The following SUGCT variants were observed in gnomAD, a reference collection of about 807,000 sequenced individuals.
SUGCT encodes the protein succinyl-CoA:glutarate-CoA transferase.
A neutral mutation model predicts 55.0 loss-of-function variants in SUGCT; 41 were observed. The ratio of observed to expected loss-of-function variants is 0.74; its 90% CI spans 0.58 to 0.97. The LOEUF (loss-of-function observed/expected upper bound fraction) is 0.97. SUGCT is among the 50% of genes least tolerant of loss of function. The pLI is 0.00. For synonymous variants in SUGCT, 187 were observed against 200.4 expected (o/e 0.93, Z 0.56); for missense variants, 568 against 547.8 (o/e 1.04, Z -0.37).
chr7:40,468,896 G>C (rs570085267), intron 11 of SUGCT, among the ~76,000 whole-genome samples: 2 of 152,238 alleles, frequency 1.3e-5, no homozygotes, highest in South Asian at 4.1e-4. Flanking sequence ...GGCTGCCTAA[G>C]GTAAGTGAAG....
At chr7:40,612,023 T>TA (rs1554384826) in intron 12 of SUGCT, among the ~76,000 whole-genome samples, 2 of 151,924 alleles carry the variant, frequency 1.3e-5, no homozygotes, top group Non-Finnish European at 2.9e-5. Context: ...TTTTTTTTTT[T>TA]ACAACAGATC....
the SUGCT span, among the ~76,000 whole-genome samples, chr7:40,995,382 G>GTTATTATAA: frequency 6.9e-6 from 1 of 145,582 alleles, no homozygotes; most frequent in Admixed American, 6.9e-5. Flanking sequence ...TATAATAGCT[G>GTTATTATAA]TTATTATTAT....
intron 12 of SUGCT, among the ~76,000 whole-genome samples, chr7:40,542,153 T>C (rs1278979513): frequency 6.6e-6 from 1 of 152,250 alleles, no homozygotes; most frequent in Non-Finnish European, 1.5e-5. Context: ...TTTAGCACTA[T>C]GTGTCAGGCA....
chr7:40,363,548 T>A (rs1439593071), intron 9 of SUGCT, among the ~76,000 whole-genome samples: 2 of 152,214 alleles, frequency 1.3e-5, no homozygotes, highest in African/African-American at 4.8e-5. Flanking sequence ...ACATCTTTAT[T>A]TCTGCCTTCA....
the SUGCT span, among the ~76,000 whole-genome samples, chr7:40,908,228 A>G: frequency 2.0e-5 from 3 of 151,792 alleles, no homozygotes; most frequent in African/African-American, 7.3e-5. Flanking sequence ...AAAAAAATAC[A>G]AAAAATTAGC....
At chr7:40,610,592 A>G (rs908269202) in intron 12 of SUGCT, among the ~76,000 whole-genome samples, 6 of 152,214 alleles carry the variant, frequency 3.9e-5, no homozygotes, top group Admixed American at 3.9e-4. Flanking sequence ...TGATTCAGAC[A>G]TTCGACTTGT....
chr7:40,695,831 A>G (rs948471918), intron 12 of SUGCT, among the ~76,000 whole-genome samples: 2 of 152,102 alleles, frequency 1.3e-5, no homozygotes, highest in African/African-American at 4.8e-5. Flanking sequence ...CCTTCACTCT[A>G]GTTTGTGACA....
chr7:40,787,660 C>CAAAAAAAAAAA lies in SUGCT; in HGVS notation c.1153+38177_1153+38187dup, dbSNP rs55764379. 3.5e-4 allele frequency among the ~76,000 whole-genome samples: 17 copies of CAAAAAAAAAAA among 48,426 alleles called. 1 individual carries two copies. Among genetic ancestry groups the CAAAAAAAAAAA allele is most frequent in the African/African-American group, 8.9e-4 (15 of 16,852 alleles). 31.8% of individuals were successfully genotyped at this position (48,426 alleles called of 152,430 possible). ...AAACTGGTAACCAAGAAATTTTGAC[C>CAAAAAAAAAAA]AAAAAAAAAAAAAAAAAAAAAAAAG... On this transcript the variant is annotated intron_variant, in intron 13 of 13. Coordinates refer to ENST00000335693, the MANE Select transcript of SUGCT (RefSeq NM_001193313.2).
chr7:41,008,059 G>T, the SUGCT span, among the ~76,000 whole-genome samples: 3 of 152,158 alleles, frequency 2.0e-5, no homozygotes, highest in South Asian at 2.1e-4. Context: ...GAAAGAGGGT[G>T]GGGGGCAAAA....
chr7:40,645,839 C>G (rs1053119750), intron 12 of SUGCT, among the ~76,000 whole-genome samples: 2 of 152,174 alleles, frequency 1.3e-5, no homozygotes, highest in African/African-American at 4.8e-5. Context: ...AGGCTCTATT[C>G]GCAGTGGTAA....
chr7:40,260,966 C>T (rs926447189), intron 7 of SUGCT, among the ~76,000 whole-genome samples: 1 of 152,150 alleles, frequency 6.6e-6, no homozygotes, highest in African/African-American at 2.4e-5. Context: ...AAGCAAGGAA[C>T]CCCACCCCCA....
At chr7:41,031,989 G>A in the SUGCT span, among the ~76,000 whole-genome samples, 16 of 145,290 alleles carry the variant, frequency 1.1e-4, no homozygotes, top group East Asian at 2.7e-3. Flanking sequence ...ATCTAGTAGG[G>A]TCTCAATGAA....
Position 40,420,886 on chromosome 7 carries a change from T to G in SUGCT, c.817-28401T>G, listed in dbSNP as rs1052973075. On this transcript the variant is annotated intron_variant, in intron 9 of 13. Transcript: ENST00000335693. The stretch of plus-strand genomic sequence containing the variant: ...AGCAGAGCATTGATAAGGTCTCTTC[T>G]CTGTTCACCAAGTTTGTAGAGCCTT... 2.0e-5 allele frequency among the ~76,000 whole-genome samples: 3 copies of G among 152,174 alleles called. No homozygotes were observed. The East Asian group carries it at 5.8e-4, about 29-fold the overall frequency.
chr7:40,826,527 A>G (rs1238686621), intron 13 of SUGCT, among the ~76,000 whole-genome samples: 1 of 152,222 alleles, frequency 6.6e-6, no homozygotes, highest in Admixed American at 6.5e-5. Flanking sequence ...TGAGTTTGCT[A>G]TAAACATTTT....
At chr7:40,158,151 G>A (rs555206948) in intron 1 of SUGCT, among the ~76,000 whole-genome samples, 1 of 152,054 alleles carries the variant, frequency 6.6e-6, no homozygotes, top group African/African-American at 2.4e-5. Context: ...GCAGTGAGCC[G>A]AGAGCGTACC....
At chr7:40,368,373 A>G (rs898393147) in intron 9 of SUGCT, among the ~76,000 whole-genome samples, 20 of 151,718 alleles carry the variant, frequency 1.3e-4, no homozygotes, top group Non-Finnish European at 5.9e-5. Context: ...AATTTTTTGT[A>G]TTTTTAGTAG....
At chr7:40,728,608 C>T (rs998463887) in intron 12 of SUGCT, among the ~76,000 whole-genome samples, 2 of 152,154 alleles carry the variant, frequency 1.3e-5, no homozygotes, top group African/African-American at 2.4e-5. Context: ...TCTTCCATTA[C>T]ATGTATTTAT....
chr7:40,650,538 G>A (rs1282293727), intron 12 of SUGCT, among the ~76,000 whole-genome samples: 1 of 152,096 alleles, frequency 6.6e-6, no homozygotes, highest in Non-Finnish European at 1.5e-5. Context: ...CTTATAATCT[G>A]TTAGGCAGAA....
At chr7:40,412,943 A>G (rs1786773888) in intron 9 of SUGCT, among the ~76,000 whole-genome samples, 2 of 152,096 alleles carry the variant, frequency 1.3e-5, no homozygotes, top group African/African-American at 4.8e-5. Context: ...TACCTCTTAC[A>G]TTTTATATTT....
Sources: gnomAD v4.1 joint callset for allele counts (sites outside exome capture counted in the v4.1 genomes callset) on GRCh38, gnomAD v4.1.1 for gene constraint, MANE v1.5 for transcripts, NCBI Gene and HGNC (gene_info 2026-07-23, HGNC 2026-07-21) for gene names.